The following RBFOX1 variants were observed in gnomAD, a reference collection of about 807,000 sequenced individuals.
The protein encoded by RBFOX1 is RNA binding protein fox-1 homolog 1.
RBFOX1 carries 8 observed loss-of-function variants against 57.7 expected under a neutral mutation model. The observed-to-expected ratio is 0.14, with a 90% CI of 0.08 to 0.25. The LOEUF is 0.25. RBFOX1 is among the 10% of genes least tolerant of loss of function. The pLI is 1.00. For missense variants in RBFOX1, 611 were observed against 548.5 expected (o/e 1.11, Z -1.14); for synonymous variants, 326 against 222.4 (o/e 1.47, Z -4.15).
At chr16:7,391,087 C>T (rs532826462) in intron 4 of RBFOX1, among the ~76,000 whole-genome samples, 79 of 152,218 alleles carry the variant, frequency 5.2e-4, no homozygotes, top group Non-Finnish European at 9.4e-4. Flanking sequence ...GAACATAGCT[C>T]TTATCCTTAA....
intron 5 of RBFOX1, among the ~76,000 whole-genome samples, chr16:7,549,307 G>A (rs903109858): frequency 6.6e-6 from 1 of 152,216 alleles, no homozygotes; most frequent in East Asian, 1.9e-4. Flanking sequence ...AGAAGTGTTT[G>A]AAATGAGGTT....
chr16:7,156,444 CAT>C (rs1046196783), intron 4 of RBFOX1, among the ~76,000 whole-genome samples: 6 of 151,836 alleles, frequency 4.0e-5, no homozygotes, highest in African/African-American at 1.2e-4. Flanking sequence ...TGTAGATATG[CAT>C]ATATGTGTAC....
chr16:7,430,101 C>G (rs2098664116), intron 4 of RBFOX1, among the ~76,000 whole-genome samples: 1 of 152,206 alleles, frequency 6.6e-6, no homozygotes, highest in South Asian at 2.1e-4. Context: ...TTTTTAAAAA[C>G]TTGTTCTACT....
At chr16:7,480,320 T>A (rs750839266) in intron 4 of RBFOX1, among the ~76,000 whole-genome samples, 1 of 152,170 alleles carries the variant, frequency 6.6e-6, no homozygotes, top group Non-Finnish European at 1.5e-5. Context: ...AATCCCAGTT[T>A]CCCTCTCTTT....
intron 3 of RBFOX1, chr16:6,873,889 T>C (rs532311435): frequency 6.6e-6 from 1 of 152,234 alleles, no homozygotes. Context: ...GTATCTGAAA[T>C]AGGAAACCAT....
At chr16:6,190,607 G>A (rs1435228917) in intron 1 of RBFOX1, among the ~76,000 whole-genome samples, 6 of 152,210 alleles carry the variant, frequency 3.9e-5, no homozygotes, top group South Asian at 2.1e-4. Flanking sequence ...TTGATATATC[G>A]TCGATGGTAC....
At chr16:7,036,669 G>C (rs550539537) in intron 3 of RBFOX1, among the ~76,000 whole-genome samples, 1 of 151,140 alleles carries the variant, frequency 6.6e-6, no homozygotes, top group Non-Finnish European at 1.5e-5. Flanking sequence ...CTCCAGCCTC[G>C]TCGAAAGAGC....
chr16:6,134,647 C>T (rs2096653170), intron 1 of RBFOX1, among the ~76,000 whole-genome samples: 1 of 151,664 alleles, frequency 6.6e-6, no homozygotes, highest in Non-Finnish European at 1.5e-5. Context: ...TCAGTGCCCC[C>T]TGTGGCCCAG....
At chr16:7,597,575 C>G in intron 9 of RBFOX1, 144 bp downstream of exon 9, 2 of 631,148 alleles carry the variant, frequency 3.2e-6, no homozygotes, top group Non-Finnish European at 5.3e-6. Flanking sequence ...AGTGAACCAC[C>G]TACATCAATA....
intron 4 of RBFOX1, among the ~76,000 whole-genome samples, chr16:7,219,814 A>C (rs2092583204): frequency 6.6e-6 from 1 of 152,212 alleles, no homozygotes; most frequent in African/African-American, 2.4e-5. Flanking sequence ...ATATGAAAGC[A>C]TGACCTTCCA....
chr16:6,023,997 C>T (rs1299626722), intron 1 of RBFOX1, among the ~76,000 whole-genome samples: 4 of 152,144 alleles, frequency 2.6e-5, no homozygotes, highest in Non-Finnish European at 4.4e-5. Flanking sequence ...TAGACTCGGT[C>T]GTAGGGCTAG....
Position 7,523,311 on chromosome 16 carries a change from A to G in RBFOX1, c.270+4922A>G, listed in dbSNP as rs555411421. 1.6e-3 allele frequency among the ~76,000 whole-genome samples: 243 copies of G among 152,306 alleles called. 1 individual carries two copies. Among genetic ancestry groups the G allele is most frequent in the African/African-American group, 4.6e-3 (191 of 41,572 alleles). On this transcript the variant is annotated intron_variant, in intron 5 of 15. Transcript: ENST00000550418. ...TCTGCTGACATTTGGAAGTACTTCA[A>G]TTTTGAAACAGAAGAGAAGGAAGGG...
chr16:5,738,059 A>G (rs1597042467), intron 3 of RBFOX1, among the ~76,000 whole-genome samples: 1 of 126,822 alleles, frequency 7.9e-6, no homozygotes, highest in Non-Finnish European at 1.6e-5. Context: ...CCCTGTGTCC[A>G]TGTGTTCTCA....
intron 2 of RBFOX1, among the ~76,000 whole-genome samples, chr16:6,406,652 A>T (rs2093291025): frequency 6.6e-6 from 1 of 151,412 alleles, no homozygotes; most frequent in Non-Finnish European, 1.5e-5. Context: ...TGAAGAGTTC[A>T]TCCTGTTCCT....
chr16:6,121,608 T>C (rs965730899), intron 1 of RBFOX1, among the ~76,000 whole-genome samples: 1 of 152,214 alleles, frequency 6.6e-6, no homozygotes, highest in Admixed American at 6.5e-5. Context: ...GCATTCCTGC[T>C]CATCCTTCTG....
At chr16:5,845,865 A>G (rs1460514373) in intron 3 of RBFOX1, among the ~76,000 whole-genome samples, 1 of 152,128 alleles carries the variant, frequency 6.6e-6, no homozygotes, top group Non-Finnish European at 1.5e-5. Flanking sequence ...TTTGAGGGTA[A>G]TGAGTTAAGA....
At chr16:5,542,672 A>T (rs1233866178) in intron 2 of RBFOX1, among the ~76,000 whole-genome samples, 2 of 152,258 alleles carry the variant, frequency 1.3e-5, no homozygotes, top group African/African-American at 2.4e-5. Flanking sequence ...TTATTTAGAG[A>T]TGCATGGAGT....
chr16:7,150,821 A>C (rs2152280734), intron 4 of RBFOX1, among the ~76,000 whole-genome samples: 1 of 152,328 alleles, frequency 6.6e-6, no homozygotes, highest in South Asian at 2.1e-4. Context: ...GATGCTTGTT[A>C]ATTGAAGTCG....
chr16:5,530,561 T>C (rs2044426527), intron 2 of RBFOX1, among the ~76,000 whole-genome samples: 1 of 152,228 alleles, frequency 6.6e-6, no homozygotes, highest in African/African-American at 2.4e-5. Context: ...TCTTAACATC[T>C]ACACTGTGGA....
Sources: allele counts gnomAD v4.1 joint callset (sites outside exome capture counted in the v4.1 genomes callset), GRCh38; gene constraint gnomAD v4.1.1; transcripts MANE v1.5; gene names NCBI Gene and HGNC (gene_info 2026-07-23, HGNC 2026-07-21).